Variants in SAMD9 observed in about 807,000 individuals in gnomAD.
SAMD9 encodes the protein sterile alpha motif domain containing 9.
In SAMD9, 3 loss-of-function variants were observed where a neutral mutation model predicts 1.5. The ratio of observed to expected loss-of-function variants is 2.05; its 90% confidence interval spans 0.93 to 5.29. The LOEUF is 5.29. Among genes scored for constraint, SAMD9 ranks in the 30% most tolerant of loss-of-function variants. The probability of loss-of-function intolerance (pLI) is 0.02; values close to 1 mark genes in which losing one functional copy is unlikely to be tolerated. For synonymous variants in SAMD9, 635 were observed against 631.9 expected, an observed-to-expected ratio of 1.00 and a Z score of -0.07; for missense variants, 1,597 against 1,820.8, an observed-to-expected ratio of 0.88 and a Z score of 2.24.
Position 93,104,697 on chromosome 7 carries a change from A to T in SAMD9, c.1401T>A (p.Ser467Arg). Residue 467 changes from serine to arginine, a missense_variant, in exon 3 of 3, where the codon AGT becomes AGA. Transcript: ENST00000379958. ...GTGTGGTTTTCTGTTCTACATATAC[A>T]CTTGGAAAGTGAAGGTTTGCTACTC... ...ESRVANLHFP[S>R]VYVEQKTTPN... is the part of the protein sequence containing the mutation. The T allele has an allele frequency of 6.2e-7, 1 of 1,613,984 alleles. No individual in the cohort carries two copies. Among genetic ancestry groups the T allele is most frequent in the Non-Finnish European group, 8.5e-7 (1 of 1,179,926 alleles).
At position 93,100,388 on chromosome 7, in the gene SAMD9, T is replaced by G. The variant is rs1374722614; in HGVS notation, c.*940A>C. 1 of 152,176 alleles carries G rather than the reference T, an allele frequency of 6.6e-6. No individual in the cohort carries two copies. The highest frequency in any genetic ancestry group is 1.5e-5 in the Non-Finnish European group (1 of 68,020). 9.4% of individuals were successfully genotyped at this position (152,176 alleles called of 1,614,324 possible). A position where few individuals can be genotyped will look rare whatever the true frequency, so the allele number is the denominator to read the frequency against. Reference sequence around the variant, plus strand: ...CTGTGATGTTAATATTTATCAGGATTTGGGACAGTTTGATAAATCCATTAG... The same window carrying G: ...CTGTGATGTTAATATTTATCAGGATGTGGGACAGTTTGATAAATCCATTAG... On this transcript the variant is annotated 3_prime_UTR_variant, in exon 3 of 3. Coordinates refer to ENST00000379958, the MANE Select transcript of SAMD9 (RefSeq NM_017654.4).
chr7:93,114,271 T>A (rs1584260371), intron 2 of SAMD9, among the ~76,000 whole-genome samples: 1 of 115,626 alleles, frequency 8.6e-6, no homozygotes, highest in East Asian at 2.8e-4. Context: ...GGACACAGGT[T>A]GGGGAACATC....
At chr7:93,115,261 GC>G in intron 1 of SAMD9, among the ~76,000 whole-genome samples, 1 of 152,214 alleles carries the variant, frequency 6.6e-6, no homozygotes, top group Non-Finnish European at 1.5e-5. Context: ...AGTCAGTGGA[GC>G]TCTCATATGC....
At chr7:93,108,847 C>T (rs1012560794) in intron 2 of SAMD9, among the ~76,000 whole-genome samples, 1 of 152,154 alleles carries the variant, frequency 6.6e-6, no homozygotes, top group Admixed American at 6.5e-5. Context: ...GGAGGCCTGC[C>T]TGCCTCTGTA....
chr7:93,105,365 C>G lies in SAMD9; in HGVS notation c.733G>C (p.Gly245Arg). ...GTGACTTTGATGCCAACAATTTTCC[C>G]ATGGGGTTTGTCTTTGACTCCAAAA... ...IHFGVKDKPH[G>R]KIVGIKVTND... The change falls in exon 3 of 3, where the codon GGG becomes CGG. Residue 245 changes from glycine to arginine, a missense_variant. This residue lies in a region of SAMD9 where 498 missense variants were observed against 457.4 expected (regional missense o/e 1.09). Coordinates refer to ENST00000379958, the MANE Select transcript of SAMD9 (RefSeq NM_017654.4). 6.2e-7 allele frequency: 1 copy of G among 1,613,960 alleles called. No homozygotes were observed. The highest frequency in any genetic ancestry group is 8.5e-7 in the Non-Finnish European group (1 of 1,179,980).
At position 93,101,307 on chromosome 7, in the gene SAMD9, T is replaced by C; in HGVS notation, c.*21A>G. 6.3e-7 allele frequency: 1 copy of C among 1,597,928 alleles called. No homozygotes were observed. The highest frequency in any genetic ancestry group is 1.3e-5 in the African/African-American group (1 of 74,840). On this transcript the variant is annotated 3_prime_UTR_variant, in exon 3 of 3. Transcript: ENST00000379958. ...TAAATGGGTACTGAGATCAAATTCT[T>C]GGAGGAAGAATATCAGGCTCTTAAA...
chr7:93,102,663 T>C lies in SAMD9; in HGVS notation c.3435A>G (p.Ser1145=). The change falls in exon 3 of 3, where the codon TCA becomes TCG. Residue 1145 remains serine (S), a synonymous_variant. Transcript: ENST00000379958. The stretch of plus-strand genomic sequence containing the variant: ...CCAAAAGAGCAATTAGATCATCAAC[T>C]GAAATGTTCCCGTTTCCTCCGTTTT... ...IEENGGNGNI[S]VDDLIALLDL... is the part of the protein sequence containing the mutation. The C allele has an allele frequency of 6.2e-7, 1 of 1,613,930 alleles. No homozygotes were observed. The highest frequency in any genetic ancestry group is 1.1e-5 in the South Asian group (1 of 91,086).
In SAMD9 at chr7:93,103,330, A is replaced by G; in HGVS notation, c.2768T>C (p.Leu923Pro). The part of the protein sequence containing the change: ...KEAKLFSFLA[L>P]LNSYVPDTTI... Reference sequence around the variant, plus strand: ...GGTATCAGGCACATATGAATTAAGAAGAGCCAGAAAAGAAAAGAGCTTTGC... The same window carrying G: ...GGTATCAGGCACATATGAATTAAGAGGAGCCAGAAAAGAAAAGAGCTTTGC... The change falls in exon 3 of 3, where the codon CTT (leucine) becomes CCT (proline). Residue 923 changes from leucine (L) to proline (P), a missense_variant. By Grantham distance (98) the Leu-to-Pro change is moderately conservative. Around this residue, in one of 6 missense-constraint regions of SAMD9, gnomAD observed 682 missense variants for 810.0 expected, o/e 0.84. Coordinates refer to ENST00000379958, the MANE Select transcript of SAMD9 (RefSeq NM_017654.4). 1 of 1,613,656 alleles carries G rather than the reference A, an allele frequency of 6.2e-7. No individual in the cohort carries two copies. The highest frequency in any genetic ancestry group is 8.5e-7 in the Non-Finnish European group (1 of 1,179,682).
chr7:93,102,771 T>G lies in SAMD9; in HGVS notation c.3327A>C (p.Ala1109=), dbSNP rs1243539429. Residue 1109 remains alanine, a synonymous_variant, in exon 3 of 3, where the codon GCA becomes GCC. Coordinates refer to ENST00000379958, the MANE Select transcript of SAMD9 (RefSeq NM_017654.4). The part of the protein sequence containing the change: ...FGNALNWAKQ[A]KIIEPDNSYI... ...AAGAATTGTCAGGTTCTATGATTTTTGCTTGTTTTGCCCAGTTTAGAGCAT... is the reference window on the plus strand; with the variant it reads ...AAGAATTGTCAGGTTCTATGATTTTGGCTTGTTTTGCCCAGTTTAGAGCAT... The G allele has an allele frequency of 1.2e-6, 2 of 1,613,908 alleles. No individual in the cohort carries two copies. Among genetic ancestry groups the G allele is most frequent in the Non-Finnish European group, 1.7e-6 (2 of 1,179,788 alleles).
Position 93,101,262 on chromosome 7 carries a change from G to T in SAMD9, c.*66C>A. On this transcript the variant is annotated 3_prime_UTR_variant, in exon 3 of 3. Coordinates refer to ENST00000379958, the MANE Select transcript of SAMD9 (RefSeq NM_017654.4). ...TATAACCTTGCCGGTTTAAAGCATA[G>T]ATCTTGAGTCCAAAAAAATTAAATG... 1 of 1,297,800 alleles carries T rather than the reference G, an allele frequency of 7.7e-7. No homozygotes were observed. Among genetic ancestry groups the T allele is most frequent in the Non-Finnish European group, 1.1e-6 (1 of 902,538 alleles). The allele number at this position is 1,297,800 out of a possible 1,614,324, so 80.4% of individuals were successfully genotyped here. A position where few individuals can be genotyped will look rare whatever the true frequency, so the allele number is the denominator to read the frequency against.
rs1000790750 is a variant in SAMD9 at position 93,101,157 on chromosome 7, T to C, written c.*171A>G. The C allele has an allele frequency of 9.2e-6, 6 of 655,298 alleles. No individual in the cohort carries two copies. Among genetic ancestry groups the C allele is most frequent in the Non-Finnish European group, 1.6e-5 (6 of 370,770 alleles). 40.6% of individuals were successfully genotyped at this position (655,298 alleles called of 1,614,324 possible). The stretch of plus-strand genomic sequence containing the variant: ...TATCTCACTCCTTCCTTTTTCACTA[T>C]TGTCTTTGTAGAACTCATAACATGT... On this transcript the variant is annotated 3_prime_UTR_variant, in exon 3 of 3. Transcript: ENST00000379958.
At position 93,104,398 on chromosome 7, in the gene SAMD9, A is replaced by T; in HGVS notation, c.1700T>A (p.Leu567His). Residue 567 changes from leucine (L) to histidine (H), a missense_variant, in exon 3 of 3, where the codon CTC (leucine) becomes CAC (histidine). Leu to His is a moderately conservative substitution (Grantham distance 99). Transcript: ENST00000379958. ...ACACAGTATATTTTCCATTCCTTTG[A>T]GATCCTGGTAGAAAGCACAGAAAGT... ...IETFCAFYQD[L>H]KGMENILCIC... The T allele has an allele frequency of 1.2e-6, 2 of 1,613,926 alleles. No homozygotes were observed. The highest frequency in any genetic ancestry group is 8.5e-7 in the Non-Finnish European group (1 of 1,179,862).
chr7:93,106,896 T>C (rs1191854022), intron 2 of SAMD9, among the ~76,000 whole-genome samples: 1 of 152,220 alleles, frequency 6.6e-6, no homozygotes, highest in Non-Finnish European at 1.5e-5. Flanking sequence ...CTCAAAATTG[T>C]ACAATCAGTG....
intron 2 of SAMD9, among the ~76,000 whole-genome samples, chr7:93,113,709 A>C (rs1393399200): frequency 1.3e-5 from 2 of 152,218 alleles, no homozygotes; most frequent in Non-Finnish European, 2.9e-5. Flanking sequence ...GTTCATCATC[A>C]CTGGCCACCA....
At position 93,105,480 on chromosome 7, in the gene SAMD9, G is replaced by A. The variant is rs1405454091; in HGVS notation, c.618C>T (p.Ala206=). The A allele has an allele frequency of 1.2e-6, 2 of 1,613,882 alleles. No homozygotes were observed. Among genetic ancestry groups the A allele is most frequent in the African/African-American group, 2.7e-5 (2 of 74,904 alleles). Residue 206 remains alanine, a synonymous_variant, in exon 3 of 3, where the codon GCC becomes GCT. Transcript: ENST00000379958. The part of the protein sequence containing the change: ...EFKAFTNTAT[A]TEEDVKMKFS... Reference sequence around the variant, plus strand: ...ATTTCATCTTGACATCCTCTTCTGTGGCTGTTGCTGTATTTGTGAAGGCTT... The same window carrying A: ...ATTTCATCTTGACATCCTCTTCTGTAGCTGTTGCTGTATTTGTGAAGGCTT...
Position 93,102,531 on chromosome 7 carries a change from A to G in SAMD9, c.3567T>C (p.Tyr1189=), listed in dbSNP as rs1445914366. 9 of 1,613,658 alleles carry G rather than the reference A, an allele frequency of 5.6e-6. No individual in the cohort carries two copies. Among genetic ancestry groups the G allele is most frequent in the Non-Finnish European group, 7.6e-6 (9 of 1,179,704 alleles). Residue 1189 remains tyrosine (Y), a synonymous_variant, in exon 3 of 3, where the codon TAT becomes TAC. Transcript: ENST00000379958. ...GATAACCAGCTATATTGTAAGTATC[A>G]TACCGCCTTTTTGACTTCGGATACA... The part of the protein sequence containing the change: ...ERLYPKSKRR[Y]DTYNIAGYQG...
intron 2 of SAMD9, among the ~76,000 whole-genome samples, chr7:93,109,543 G>T (rs1791703692): frequency 6.6e-6 from 1 of 152,194 alleles, no homozygotes; most frequent in African/African-American, 2.4e-5. Context: ...CCATTGCAAA[G>T]ATGTTAAAAC....
Position 93,102,829 on chromosome 7 carries a change from C to T in SAMD9, c.3269G>A (p.Arg1090Lys). 7.4e-6 allele frequency: 12 copies of T among 1,613,846 alleles called. No individual in the cohort carries two copies. The highest frequency in any genetic ancestry group is 1.0e-5 in the Non-Finnish European group (12 of 1,179,806). Residue 1090 changes from arginine (R) to lysine (K), a missense_variant, in exon 3 of 3, where the codon AGA (arginine) becomes AAA (lysine). Coordinates refer to ENST00000379958, the MANE Select transcript of SAMD9 (RefSeq NM_017654.4). ...GTCCTTCTTTTTAATGTAGAAATGT[C>T]TTGCCAACGCTTGGCAAATGAATGC... The part of the protein sequence containing the change: ...PNAFICQALA[R>K]HFYIKKKDFG...
Position 93,103,958 on chromosome 7 carries a change from G to T in SAMD9, c.2140C>A (p.Leu714Ile). 6.2e-7 allele frequency: 1 copy of T among 1,613,280 alleles called. No individual in the cohort carries two copies. The highest frequency in any genetic ancestry group is 8.5e-7 in the Non-Finnish European group (1 of 1,179,436). ...PFVKRDKYER[L>I]EAMIQNCADS... ...GCACAGTTTTGAATCATTGCTTCAA[G>T]TCTTTCATATTTATCCCTTTTGACA... The change falls in exon 3 of 3, where the codon CTT becomes ATT. Residue 714 changes from leucine (L) to isoleucine (I), a missense_variant. This residue lies in a region of SAMD9 where 358 missense variants were observed against 460.4 expected (regional missense o/e 0.78). Coordinates refer to ENST00000379958, the MANE Select transcript of SAMD9 (RefSeq NM_017654.4).
Sources: gnomAD v4.1 joint callset for allele counts (sites outside exome capture counted in the v4.1 genomes callset) on GRCh38, gnomAD v4.1.1 for gene constraint, gnomAD v4.1.1 regional missense constraint, MANE v1.5 for transcripts, NCBI Gene and HGNC (gene_info 2026-07-23, HGNC 2026-07-21) for gene names.